Variants in LSAMP observed in about 807,000 individuals in gnomAD.
The protein encoded by LSAMP is limbic system-associated membrane protein.
Under a neutral mutation model 38.6 loss-of-function variants are expected in LSAMP, and 7 were observed. The ratio of observed to expected loss-of-function variants is 0.18; its 90% CI spans 0.10 to 0.34. The LOEUF is 0.34. Among genes scored for constraint, LSAMP ranks in the 10% least tolerant of loss-of-function variants. The pLI, the probability that LSAMP is intolerant of heterozygous loss-of-function variation, is 1.00. For synonymous variants in LSAMP, 154 were observed against 166.8 expected (o/e 0.92, Z 0.59); for missense variants, 313 against 420.0 (o/e 0.75, Z 2.23).
chr3:116,387,652 T>G (rs1223795595), intron 1 of LSAMP, among the ~76,000 whole-genome samples: 1 of 152,126 alleles, frequency 6.6e-6, no homozygotes, highest in Admixed American at 6.5e-5. Context: ...GGGGTAAAGA[T>G]GTGAGTATCT....
intron 1 of LSAMP, among the ~76,000 whole-genome samples, chr3:116,356,475 T>C (rs1033482573): frequency 6.6e-5 from 10 of 152,162 alleles, no homozygotes; most frequent in African/African-American, 1.7e-4. Flanking sequence ...GGAAGGCTAA[T>C]AGGTACAAAA....
rs1933681966 is a variant in LSAMP at position 115,808,137 on chromosome 3, C to G, written c.*2180G>C. The G allele has an allele frequency of 1.2e-5, 1 of 81,038 alleles. No individual in the cohort carries two copies. The highest frequency in any genetic ancestry group is 2.4e-5 in the Non-Finnish European group (1 of 41,668). The allele number at this position is 81,038 out of a possible 1,614,324, so 5.0% of individuals were successfully genotyped here. A position where few individuals can be genotyped will look rare whatever the true frequency, so the allele number is the denominator to read the frequency against. On this transcript the variant is annotated 3_prime_UTR_variant, in exon 7 of 7. Coordinates refer to ENST00000490035, the MANE Select transcript of LSAMP (RefSeq NM_002338.5). Reference sequence around the variant, plus strand: ...CCCTCCCTCCCTCCCTCCCTCCCTCCCTCCCTCCCTCCCCCCCTTCCCCGT... The same window carrying G: ...CCCTCCCTCCCTCCCTCCCTCCCTCGCTCCCTCCCTCCCCCCCTTCCCCGT...
At chr3:115,988,835 A>G (rs1227619616) in intron 3 of LSAMP, among the ~76,000 whole-genome samples, 4 of 152,026 alleles carry the variant, frequency 2.6e-5, no homozygotes, top group African/African-American at 9.7e-5. Flanking sequence ...GTCATCGCTT[A>G]TTTTCATCAA....
intron 2 of LSAMP, among the ~76,000 whole-genome samples, chr3:116,072,742 G>T (rs1314665696): frequency 8.1e-5 from 11 of 135,280 alleles, no homozygotes; most frequent in African/African-American, 3.0e-4. Context: ...TTTTGAAGGG[G>T]TTGTTTGTGG....
intron 1 of LSAMP, among the ~76,000 whole-genome samples, chr3:116,317,811 T>G (rs1289294478): frequency 6.6e-6 from 1 of 151,968 alleles, no homozygotes; most frequent in Middle Eastern, 3.2e-3. Flanking sequence ...AGTCTCTTCA[T>G]TTAACCAATT....
chr3:116,436,980 CAT>C (rs992441364), intron 1 of LSAMP, among the ~76,000 whole-genome samples: 3 of 148,284 alleles, frequency 2.0e-5, no homozygotes, highest in East Asian at 2.0e-4. Context: ...GAAAGTGTGG[CAT>C]ATATATATAT....
chr3:116,331,841 T>G lies in LSAMP; in HGVS notation c.155+113036A>C, dbSNP rs187952433. ...CTTTTTATTTTCTTTCTTTCTTTTC[T>G]TTTCTTTTCTTTTTTTAGAGGCAGG... On this transcript the variant is annotated intron_variant, in intron 1 of 6. Coordinates refer to ENST00000490035, the MANE Select transcript of LSAMP (RefSeq NM_002338.5). 4.7e-4 allele frequency among the ~76,000 whole-genome samples: 72 copies of G among 152,306 alleles called. No homozygotes were observed. In the East Asian group the frequency reaches 0.012, roughly 24 times the overall value.
At chr3:116,030,014 A>G (rs1316412186) in intron 2 of LSAMP, among the ~76,000 whole-genome samples, 1 of 152,128 alleles carries the variant, frequency 6.6e-6, no homozygotes, top group African/African-American at 2.4e-5. Context: ...TAACTTAAAC[A>G]TGGTAGCCAT....
intron 1 of LSAMP, among the ~76,000 whole-genome samples, chr3:116,287,695 C>T (rs2047211794): frequency 6.6e-6 from 1 of 152,040 alleles, no homozygotes; most frequent in African/African-American, 2.4e-5. Context: ...AAATAGAAAC[C>T]AAAATAAATG....
chr3:115,929,095 C>T (rs1483120511), intron 3 of LSAMP, among the ~76,000 whole-genome samples: 1 of 148,296 alleles, frequency 6.7e-6, no homozygotes, highest in Non-Finnish European at 1.5e-5. Context: ...AGAGGGGTGT[C>T]CCTAGAGCCT....
At chr3:115,978,167 T>G (rs1193749419) in intron 3 of LSAMP, among the ~76,000 whole-genome samples, 3 of 149,224 alleles carry the variant, frequency 2.0e-5, no homozygotes, top group Non-Finnish European at 4.4e-5. Flanking sequence ...GCCCAGCGAC[T>G]TCTTTCTTAA....
chr3:116,404,752 T>G (rs1576197764), intron 1 of LSAMP, among the ~76,000 whole-genome samples: 1 of 152,114 alleles, frequency 6.6e-6, no homozygotes. Context: ...GACAAAATTG[T>G]TTTTTTGTGG....
intron 3 of LSAMP, among the ~76,000 whole-genome samples, chr3:115,968,180 C>A (rs1427209471): frequency 1.3e-5 from 2 of 152,056 alleles, no homozygotes; most frequent in Non-Finnish European, 2.9e-5. Flanking sequence ...CTGCTTGGTG[C>A]TCTACTGCAC....
chr3:116,413,913 A>AAC (rs61576008), intron 1 of LSAMP, among the ~76,000 whole-genome samples: 1 of 151,256 alleles, frequency 6.6e-6, no homozygotes, highest in Non-Finnish European at 1.5e-5. Flanking sequence ...AAAAAAAAAA[A>AAC]CAAACCAAAA....
At chr3:115,838,785 G>A (rs145346383) in intron 6 of LSAMP, among the ~76,000 whole-genome samples, 10 of 152,334 alleles carry the variant, frequency 6.6e-5, no homozygotes, top group African/African-American at 1.9e-4. Context: ...TATTTGAATA[G>A]AGAGTGGGGA....
At chr3:115,822,355 T>C (rs1934268437) in intron 6 of LSAMP, among the ~76,000 whole-genome samples, 1 of 120,444 alleles carries the variant, frequency 8.3e-6, no homozygotes, top group Non-Finnish European at 1.6e-5. Flanking sequence ...TCTCTCTTTC[T>C]TTCCTTCTTT....
chr3:116,180,734 C>T (rs1710465849), intron 1 of LSAMP, among the ~76,000 whole-genome samples: 1 of 152,086 alleles, frequency 6.6e-6, no homozygotes, highest in Non-Finnish European at 1.5e-5. Flanking sequence ...TAGGGCAAAG[C>T]AACCAGCATA....
intron 2 of LSAMP, among the ~76,000 whole-genome samples, chr3:116,052,217 AAGG>A (rs1232746795): frequency 1.3e-5 from 2 of 152,110 alleles, no homozygotes; most frequent in Non-Finnish European, 2.9e-5. Context: ...AATGAAAAGA[AAGG>A]AGGAGAAAAG....
chr3:116,004,589 G>T (rs1940102961), intron 3 of LSAMP, among the ~76,000 whole-genome samples: 2 of 149,058 alleles, frequency 1.3e-5, no homozygotes, highest in Admixed American at 1.3e-4. Flanking sequence ...CATTTGGTTT[G>T]ATGTCTATAT....
Sources: allele counts gnomAD v4.1 joint callset (sites outside exome capture counted in the v4.1 genomes callset), GRCh38; gene constraint gnomAD v4.1.1; transcripts MANE v1.5; gene names NCBI Gene and HGNC (gene_info 2026-07-23, HGNC 2026-07-21).